Variants in BOLL observed in about 807,000 individuals in gnomAD.
BOLL encodes protein boule-like.
BOLL carries 23 observed loss-of-function variants against 44.4 expected under a neutral mutation model. The ratio of observed to expected loss-of-function variants is 0.52; its 90% CI spans 0.37 to 0.73. The LOEUF is 0.73. BOLL is among the 30% of genes least tolerant of loss of function. The pLI is 0.00. For missense variants in BOLL, 287 were observed against 338.3 expected (o/e 0.85, Z 1.19); for synonymous variants, 97 against 110.8 (o/e 0.88, Z 0.78).
intron 9 of BOLL, among the ~76,000 whole-genome samples, chr2:197,746,814 C>G (rs1051625552): frequency 6.7e-6 from 1 of 149,146 alleles, no homozygotes; most frequent in Non-Finnish European, 1.5e-5. Flanking sequence ...ACAGGGGGAT[C>G]GCTTGAACCC....
At chr2:197,777,842 T>C (rs1689588728) in intron 3 of BOLL, among the ~76,000 whole-genome samples, 1 of 151,934 alleles carries the variant, frequency 6.6e-6, no homozygotes, top group South Asian at 2.1e-4. Context: ...TTCTGAGTAA[T>C]GCTAAATATC....
At chr2:197,732,257 C>T (rs1018330273) in intron 10 of BOLL, among the ~76,000 whole-genome samples, 1 of 151,328 alleles carries the variant, frequency 6.6e-6, no homozygotes, top group Non-Finnish European at 1.5e-5. Context: ...AAGACTAAAC[C>T]AGGAAGAAGT....
chr2:197,782,692 C>T (rs1317722397), intron 1 of BOLL, among the ~76,000 whole-genome samples: 1 of 152,154 alleles, frequency 6.6e-6, no homozygotes, highest in Non-Finnish European at 1.5e-5. Flanking sequence ...CCCAACTTTA[C>T]TAAATGACGC....
At chr2:197,745,886 G>C (rs952643057) in intron 9 of BOLL, among the ~76,000 whole-genome samples, 5 of 152,080 alleles carry the variant, frequency 3.3e-5, no homozygotes, top group Non-Finnish European at 5.9e-5. Context: ...GTCAGAGTGA[G>C]GTAGAAGCAC....
At chr2:197,769,170 C>A (rs1689122932) in intron 6 of BOLL, among the ~76,000 whole-genome samples, 1 of 151,912 alleles carries the variant, frequency 6.6e-6, no homozygotes, top group Non-Finnish European at 1.5e-5. Context: ...ATGATGCTGG[C>A]CTCATAAAAT....
chr2:197,737,874 T>C (rs1272827044), intron 10 of BOLL, among the ~76,000 whole-genome samples: 1 of 152,150 alleles, frequency 6.6e-6, no homozygotes, highest in African/African-American at 2.4e-5. Context: ...AATCAGTATT[T>C]TACTTAGAAG....
chr2:197,733,624 A>G (rs556226674), intron 10 of BOLL, among the ~76,000 whole-genome samples: 1 of 152,200 alleles, frequency 6.6e-6, no homozygotes, highest in African/African-American at 2.4e-5. Context: ...ATAGAGACCA[A>G]TGGAACAGAA....
chr2:197,734,395 G>A (rs1377131739), intron 10 of BOLL, among the ~76,000 whole-genome samples: 1 of 152,162 alleles, frequency 6.6e-6, no homozygotes, highest in Non-Finnish European at 1.5e-5. Context: ...CATTGTGGAA[G>A]TCAGTGTGGC....
chr2:197,734,768 T>A (rs972537743), intron 10 of BOLL, among the ~76,000 whole-genome samples: 1 of 152,024 alleles, frequency 6.6e-6, no homozygotes, highest in East Asian at 1.9e-4. Flanking sequence ...ATGAGAAAAC[T>A]TGGACACAGG....
intron 1 of BOLL, among the ~76,000 whole-genome samples, chr2:197,784,236 T>C (rs1420428312): frequency 6.6e-6 from 1 of 151,584 alleles, no homozygotes; most frequent in Non-Finnish European, 1.5e-5. Flanking sequence ...TTTTGCTTTT[T>C]TCATGGCAGC....
chr2:197,735,025 A>C (rs1319723783), intron 10 of BOLL, among the ~76,000 whole-genome samples: 1 of 152,184 alleles, frequency 6.6e-6, no homozygotes, highest in East Asian at 1.9e-4. Flanking sequence ...AAATTACTGC[A>C]AAAATACACT....
At chr2:197,750,504 C>G (rs1267091847) in intron 9 of BOLL, among the ~76,000 whole-genome samples, 2 of 152,122 alleles carry the variant, frequency 1.3e-5, no homozygotes, top group East Asian at 3.8e-4. Context: ...ATCCTAGTCT[C>G]TGATAAAACA....
chr2:197,727,758 C>T lies in BOLL; in HGVS notation c.*797G>A, dbSNP rs1686908230. The stretch of plus-strand genomic sequence containing the variant: ...TCATGTCAGAGATGAACCCTTTTAT[C>T]AAAATTCCAAAGGTGGATCCATATT... On this transcript the variant is annotated 3_prime_UTR_variant, in exon 11 of 11. Transcript: ENST00000392296. The T allele has an allele frequency of 6.6e-6, 1 of 152,142 alleles. No homozygotes were observed. Among genetic ancestry groups the T allele is most frequent in the African/African-American group, 2.4e-5 (1 of 41,406 alleles). 9.4% of individuals were successfully genotyped at this position (152,142 alleles called of 1,614,324 possible). A position where few individuals can be genotyped will look rare whatever the true frequency, so the allele number is the denominator to read the frequency against.
chr2:197,742,221 G>A (rs1687774347), intron 10 of BOLL, among the ~76,000 whole-genome samples: 1 of 152,176 alleles, frequency 6.6e-6, no homozygotes, highest in African/African-American at 2.4e-5. Context: ...TGGTGGGAGT[G>A]TAAACTAGTT....
chr2:197,758,601 T>A (rs1202802133), intron 7 of BOLL, among the ~76,000 whole-genome samples: 1 of 152,178 alleles, frequency 6.6e-6, no homozygotes, highest in African/African-American at 2.4e-5. Flanking sequence ...CAATAATGTT[T>A]TATTTACAAA....
intron 1 of BOLL, among the ~76,000 whole-genome samples, chr2:197,783,631 T>C (rs1689900841): frequency 6.6e-6 from 1 of 152,220 alleles, no homozygotes. Flanking sequence ...ATTACTATGT[T>C]GTAGTTTCCA....
At chr2:197,742,322 C>G (rs1024369277) in intron 10 of BOLL, among the ~76,000 whole-genome samples, 85 of 152,184 alleles carry the variant, frequency 5.6e-4, no homozygotes, top group African/African-American at 2.0e-3. Context: ...GGGTATATAC[C>G]CAAAGGACTA....
chr2:197,745,269 A>G (rs979635708), intron 9 of BOLL, among the ~76,000 whole-genome samples: 2 of 152,028 alleles, frequency 1.3e-5, no homozygotes, highest in African/African-American at 4.8e-5. Flanking sequence ...TGACTATAAC[A>G]CTCACAAGAA....
chr2:197,768,806 A>G (rs368689373), intron 6 of BOLL, among the ~76,000 whole-genome samples: 1 of 148,830 alleles, frequency 6.7e-6, no homozygotes, highest in African/African-American at 2.5e-5. Flanking sequence ...TTTATCATAA[A>G]TAGCTCTTAT....
Sources: allele counts gnomAD v4.1 joint callset (sites outside exome capture counted in the v4.1 genomes callset), GRCh38; gene constraint gnomAD v4.1.1; transcripts MANE v1.5; gene names NCBI Gene and HGNC (gene_info 2026-07-23, HGNC 2026-07-21).